B3GLCT: variants seen among roughly 807,000 people sequenced by gnomAD.
The protein encoded by B3GLCT is beta 3-glucosyltransferase.
In B3GLCT, 65 loss-of-function variants were observed where a neutral mutation model predicts 63.4. That is an observed-to-expected ratio of 1.03 (90% CI 0.84 to 1.26). The LOEUF is 1.26. Ranked by LOEUF, B3GLCT falls within the 50% of genes most tolerant of loss-of-function variation. B3GLCT has a pLI of 0.00. For missense variants in B3GLCT, 577 were observed against 604.8 expected (o/e 0.95, Z 0.48); for synonymous variants, 233 against 219.2 (o/e 1.06, Z -0.55).
chr13:31,229,225 T>C lies in B3GLCT; in HGVS notation c.201T>C (p.Asn67=). Residue 67 remains asparagine (N), a synonymous_variant, in exon 4 of 15, where the codon AAT becomes AAC. Transcript: ENST00000343307. ...GIVFVIQSQS[N]SFHAKRAEQL... ...TATTCGTCATCCAGAGTCAAAGTAA[T>C]TCTTTTCATGCAAAGAGAGCAGAGC... 1 of 1,613,252 alleles carries C rather than the reference T, an allele frequency of 6.2e-7. No individual in the cohort carries two copies. The highest frequency in any genetic ancestry group is 8.5e-7 in the Non-Finnish European group (1 of 1,179,152).
At chr13:31,302,256 G>A (rs1874256822) in intron 12 of B3GLCT, among the ~76,000 whole-genome samples, 1 of 152,204 alleles carries the variant, frequency 6.6e-6, no homozygotes, top group Non-Finnish European at 1.5e-5. Flanking sequence ...CATGTACCAT[G>A]GCCTGGATAA....
chr13:31,226,547 T>A (rs1226828210), intron 3 of B3GLCT, among the ~76,000 whole-genome samples: 1 of 152,054 alleles, frequency 6.6e-6, no homozygotes, highest in East Asian at 1.9e-4. Flanking sequence ...CTGGTAGGAG[T>A]GGCAGGAGTT....
intron 12 of B3GLCT, among the ~76,000 whole-genome samples, chr13:31,300,341 T>C (rs551548820): frequency 6.6e-6 from 1 of 152,370 alleles, no homozygotes; most frequent in South Asian, 2.1e-4. Context: ...CAAAACAGCA[T>C]GGGCATTTCA....
At chr13:31,256,581 A>G (rs1871751839) in intron 6 of B3GLCT, among the ~76,000 whole-genome samples, 1 of 152,236 alleles carries the variant, frequency 6.6e-6, no homozygotes, top group Non-Finnish European at 1.5e-5. Context: ...ACCATGGAAT[A>G]CTATGCAGCC....
chr13:31,321,636 CACTACCTTAA>C (rs573635023), intron 13 of B3GLCT, among the ~76,000 whole-genome samples: 117 of 152,228 alleles, frequency 7.7e-4, no homozygotes, highest in African/African-American at 2.6e-3. Flanking sequence ...TTTTGAAAAC[CACTACCTTAA>C]ACCATCCATC....
At chr13:31,228,707 A>G (rs116423883) in intron 3 of B3GLCT, among the ~76,000 whole-genome samples, 2,348 of 152,318 alleles carry the variant, frequency 0.015, 67 homozygotes, top group African/African-American at 0.054. Context: ...TGAAGACCCA[A>G]TTCTAAATGA....
intron 4 of B3GLCT, among the ~76,000 whole-genome samples, chr13:31,244,263 G>A (rs1365034793): frequency 2.0e-5 from 3 of 152,236 alleles, no homozygotes; most frequent in Non-Finnish European, 4.4e-5. Context: ...AGGCCGAGGC[G>A]GGTGGATCAC....
intron 1 of B3GLCT, among the ~76,000 whole-genome samples, chr13:31,211,904 T>C (rs995942485): frequency 6.6e-6 from 1 of 152,242 alleles, no homozygotes; most frequent in Non-Finnish European, 1.5e-5. Flanking sequence ...CTAGGGACTT[T>C]TGTGTTCACA....
rs147736211 is a variant in B3GLCT, at chr13:31,302,360, C to T, written c.1065-15206C>T. Among the ~76,000 whole-genome samples, 616 of 152,042 alleles carry T rather than the reference C, an allele frequency of 4.1e-3. 4 individuals are homozygous for T. Among genetic ancestry groups the T allele is most frequent in the African/African-American group, 0.014 (588 of 41,472 alleles). On this transcript the variant is annotated intron_variant, in intron 12 of 14. Transcript: ENST00000343307. Reference sequence around the variant, plus strand: ...GAATAGGAACAGCTCCGGTCTACAGCTCCCAGCGTGAGCGACGCAGAAGAC... The same window carrying T: ...GAATAGGAACAGCTCCGGTCTACAGTTCCCAGCGTGAGCGACGCAGAAGAC...
Position 31,247,126 on chromosome 13 carries a change from T to C in B3GLCT, c.347+27T>C, listed in dbSNP as rs1566060867. ...TACGTTTGTTTAACTCACCTGTGAATTACTGACATTCCTACCTGAACACTT... is the reference window on the plus strand; with the variant it reads ...TACGTTTGTTTAACTCACCTGTGAACTACTGACATTCCTACCTGAACACTT... On this transcript the variant is annotated intron_variant, in intron 5 of 14. Coordinates refer to ENST00000343307, the MANE Select transcript of B3GLCT (RefSeq NM_194318.4). The C allele has an allele frequency of 2.0e-6, 3 of 1,536,518 alleles. No homozygotes were observed. In the East Asian group the frequency reaches 6.7e-5, roughly 35 times the overall value.
intron 4 of B3GLCT, among the ~76,000 whole-genome samples, chr13:31,241,239 A>G (rs1870925592): frequency 6.6e-6 from 1 of 152,206 alleles, no homozygotes; most frequent in African/African-American, 2.4e-5. Context: ...AGGCAGACGG[A>G]GGCCAGGTGC....
At chr13:31,301,731 T>A (rs909566946) in intron 12 of B3GLCT, among the ~76,000 whole-genome samples, 11 of 152,260 alleles carry the variant, frequency 7.2e-5, no homozygotes, top group Non-Finnish European at 1.3e-4. Context: ...TTTCTCATTT[T>A]AATCTTTATC....
intron 11 of B3GLCT, 65 bp downstream of exon 11, chr13:31,284,826 G>T: frequency 1.0e-6 from 1 of 983,832 alleles, no homozygotes; most frequent in Non-Finnish European, 1.6e-6. Context: ...AGTAAATTAG[G>T]TTAGGATAAA....
intron 1 of B3GLCT, among the ~76,000 whole-genome samples, chr13:31,207,275 C>T (rs17075652): frequency 0.015 from 2,229 of 147,644 alleles, 93 homozygotes; most frequent in Admixed American, 0.067. Flanking sequence ...AAAGGAATCG[C>T]GTAAACTGCT....
intron 1 of B3GLCT, among the ~76,000 whole-genome samples, chr13:31,200,418 G>C (rs1868588163): frequency 6.7e-6 from 1 of 149,934 alleles, no homozygotes. Flanking sequence ...CCCGGCCCCA[G>C]ACTCGCGTCT....
chr13:31,280,860 ACAG>A (rs1225579900), intron 10 of B3GLCT, among the ~76,000 whole-genome samples: 1 of 152,216 alleles, frequency 6.6e-6, no homozygotes, highest in Non-Finnish European at 1.5e-5. Context: ...CATCATTGAA[ACAG>A]CAGCACCCTC....
intron 12 of B3GLCT, chr13:31,312,879 G>A (rs962558168): frequency 1.6e-4 from 24 of 152,208 alleles, no homozygotes; most frequent in African/African-American, 5.8e-4. Flanking sequence ...CAGCAGATCA[G>A]ATTTTTACAC....
intron 3 of B3GLCT, among the ~76,000 whole-genome samples, chr13:31,223,847 G>A (rs1869954625): frequency 6.6e-6 from 1 of 152,182 alleles, no homozygotes. Flanking sequence ...CATGGGAGAA[G>A]TCTCCCTTCA....
intron 4 of B3GLCT, among the ~76,000 whole-genome samples, chr13:31,236,644 C>A (rs983972773): frequency 6.6e-6 from 1 of 152,166 alleles, no homozygotes; most frequent in African/African-American, 2.4e-5. Context: ...GTCACAAGAT[C>A]CATAGTGAGC....
Sources: allele counts gnomAD v4.1 joint callset (sites outside exome capture counted in the v4.1 genomes callset), GRCh38; gene constraint gnomAD v4.1.1; transcripts MANE v1.5; gene names NCBI Gene and HGNC (gene_info 2026-07-23, HGNC 2026-07-21).